Variants in VTA1 observed in about 807,000 individuals in gnomAD.
VTA1 encodes the protein vacuolar protein sorting-associated protein VTA1 homolog.
In VTA1, 24 loss-of-function variants were observed where a neutral mutation model predicts 36.9. The observed-to-expected ratio is 0.65, with a 90% CI of 0.47 to 0.91. The LOEUF (loss-of-function observed/expected upper bound fraction) is 0.91, where lower values mean the gene tolerates loss of function less well. VTA1 is among the 40% of genes least tolerant of loss of function. VTA1 has a pLI of 0.00. For synonymous variants in VTA1, 142 were observed against 130.2 expected, an observed-to-expected ratio of 1.09 and a Z score of -0.62; for missense variants, 393 against 377.2, an observed-to-expected ratio of 1.04 and a Z score of -0.35.
chr6:142,198,421 G>GTA lies in VTA1; in HGVS notation c.521-14_521-13dup. The GTA allele has an allele frequency of 1.2e-6, 2 of 1,612,832 alleles. No homozygotes were observed. The highest frequency in any genetic ancestry group is 1.1e-5 in the South Asian group (1 of 90,862). On this transcript the variant is annotated splice_polypyrimidine_tract_variant and intron_variant, in intron 5 of 7. Transcript: ENST00000367630. ...TTCAAAATACCTACTGTAACATTGT[G>GTA]TATATGTGATCTGATAGATATTGAA...
At chr6:142,178,736 A>G (rs550184358) in intron 4 of VTA1, among the ~76,000 whole-genome samples, 26 of 152,246 alleles carry the variant, frequency 1.7e-4, no homozygotes, top group Non-Finnish European at 3.2e-4. Flanking sequence ...TTAGACCTAA[A>G]TACAGCTATG....
Position 142,221,766 on chromosome 6 carries a change from TA to T in VTA1, c.*3126del, listed in dbSNP as rs1468876593. The T allele has an allele frequency of 6.7e-6, 1 of 148,218 alleles. No homozygotes were observed. The highest frequency in any genetic ancestry group is 1.5e-5 in the Non-Finnish European group (1 of 67,256). 9.2% of individuals were successfully genotyped at this position (148,218 alleles called of 1,614,324 possible). On this transcript the variant is annotated 3_prime_UTR_variant, in exon 8 of 8. Transcript: ENST00000367630. ...TCAGGAGTATATATTTATTAATATA[TA>T]AATATGTATTTATATATAAATCATA...
Position 142,224,504 on chromosome 6 carries a change from T to G in VTA1, c.*5861T>G, listed in dbSNP as rs2114698589. 1 of 152,342 alleles carries G rather than the reference T, an allele frequency of 6.6e-6. No homozygotes were observed. The highest frequency in any genetic ancestry group is 2.4e-5 in the African/African-American group (1 of 41,582). 9.4% of individuals were successfully genotyped at this position (152,342 alleles called of 1,614,324 possible). ...TTTATGTATCACGTAAGTTAAACTT[T>G]ATTTATTTACATGTGTCTCCCTCAT... On this transcript the variant is annotated 3_prime_UTR_variant, in exon 8 of 8. Coordinates refer to ENST00000367630, the MANE Select transcript of VTA1 (RefSeq NM_016485.5).
chr6:142,148,736 T>A (rs1226166832), intron 1 of VTA1, among the ~76,000 whole-genome samples: 1 of 152,106 alleles, frequency 6.6e-6, no homozygotes, highest in Non-Finnish European at 1.5e-5. Context: ...GGAGTGCAGA[T>A]GGGATTTCAG....
chr6:142,152,569 A>G (rs1159965219), intron 1 of VTA1, among the ~76,000 whole-genome samples: 1 of 152,150 alleles, frequency 6.6e-6, no homozygotes. Context: ...ATTTGATTTA[A>G]TTCATAACAA....
chr6:142,165,713 G>C (rs1161974246), intron 1 of VTA1, among the ~76,000 whole-genome samples: 1 of 152,134 alleles, frequency 6.6e-6, no homozygotes, highest in Non-Finnish European at 1.5e-5. Flanking sequence ...TTTAGGTTTA[G>C]CCTTATCTCA....
intron 2 of VTA1, among the ~76,000 whole-genome samples, 191 bp downstream of exon 2, chr6:142,166,513 A>C (rs1774917884): frequency 6.7e-6 from 1 of 148,250 alleles, no homozygotes; most frequent in African/African-American, 2.7e-5. Flanking sequence ...TATGAGTGTT[A>C]ATTAAAGTAT....
In VTA1 at chr6:142,147,323, A is replaced by C. The variant is rs1422637076; in HGVS notation, c.36A>C (p.Ala12=). 9 of 1,614,094 alleles carry C rather than the reference A, an allele frequency of 5.6e-6. No homozygotes were observed. Among genetic ancestry groups the C allele is most frequent in the Non-Finnish European group, 7.6e-6 (9 of 1,180,046 alleles). The change falls in exon 1 of 8, where the codon GCA becomes GCC. Residue 12 remains alanine, a synonymous_variant. Transcript: ENST00000367630. ...AALAPLPPLP[A]QFKSIQHHLR... ...TTGCACCGCTGCCCCCGCTCCCCGC[A>C]CAGTTCAAGAGCATACAGCATCATC...
chr6:142,166,174 A>G (rs1364713768), intron 1 of VTA1, 54 bp from the exon 2 acceptor site: 1 of 1,279,862 alleles, frequency 7.8e-7, no homozygotes, highest in East Asian at 2.4e-5. Context: ...AAACACTCAT[A>G]AACATGGATG....
intron 4 of VTA1, among the ~76,000 whole-genome samples, chr6:142,182,674 T>C (rs889678514): frequency 2.0e-5 from 3 of 152,174 alleles, no homozygotes; most frequent in African/African-American, 7.2e-5. Flanking sequence ...TGGCCATTTA[T>C]AGAGTTGGTG....
intron 7 of VTA1, among the ~76,000 whole-genome samples, chr6:142,214,005 T>G (rs1775959522): frequency 6.6e-6 from 1 of 152,214 alleles, no homozygotes. Flanking sequence ...CAGGGTTTTT[T>G]TTTTGTACCA....
At position 142,220,928 on chromosome 6, in the gene VTA1, T is replaced by C. The variant is rs1350229206; in HGVS notation, c.*2285T>C. On this transcript the variant is annotated 3_prime_UTR_variant, in exon 8 of 8. Coordinates refer to ENST00000367630, the MANE Select transcript of VTA1 (RefSeq NM_016485.5). ...ATTCTAAAAGGGAGGAAATAGATAA[T>C]AAAATATACATTACATTTAATCAGT... 1.3e-5 allele frequency: 2 copies of C among 152,044 alleles called. No individual in the cohort carries two copies. Among genetic ancestry groups the C allele is most frequent in the Admixed American group, 1.3e-4 (2 of 15,264 alleles). 9.4% of individuals were successfully genotyped at this position (152,044 alleles called of 1,614,324 possible).
At chr6:142,207,567 T>C (rs1175537337) in intron 7 of VTA1, among the ~76,000 whole-genome samples, 2 of 151,966 alleles carry the variant, frequency 1.3e-5, no homozygotes, top group East Asian at 1.9e-4. Context: ...TCCAAACATT[T>C]ACTAGAGCTG....
At chr6:142,159,551 G>T (rs1774752880) in intron 1 of VTA1, among the ~76,000 whole-genome samples, 2 of 148,346 alleles carry the variant, frequency 1.3e-5, no homozygotes, top group South Asian at 4.3e-4. Context: ...GTCTTGCTCT[G>T]TTGCCAGGCT....
At chr6:142,167,143 G>A (rs372579384) in intron 2 of VTA1, among the ~76,000 whole-genome samples, 5 of 152,130 alleles carry the variant, frequency 3.3e-5, no homozygotes, top group Non-Finnish European at 5.9e-5. Flanking sequence ...CAGGAATGTC[G>A]TAGGTGACTA....
intron 5 of VTA1, among the ~76,000 whole-genome samples, chr6:142,197,755 C>G (rs1235620353): frequency 1.3e-5 from 2 of 151,944 alleles, no homozygotes; most frequent in African/African-American, 4.8e-5. Flanking sequence ...CTTGAGTCTT[C>G]ATAAGTTTAA....
chr6:142,167,104 C>A (rs1215709231), intron 2 of VTA1, among the ~76,000 whole-genome samples: 1 of 152,110 alleles, frequency 6.6e-6, no homozygotes, highest in Non-Finnish European at 1.5e-5. Flanking sequence ...GCAAGATATT[C>A]TTATGGTTTA....
intron 4 of VTA1, among the ~76,000 whole-genome samples, chr6:142,182,645 A>G (rs573558342): frequency 6.6e-5 from 10 of 152,306 alleles, no homozygotes; most frequent in African/African-American, 1.7e-4. Flanking sequence ...CCTGACAACT[A>G]TAAGATTTTT....
intron 5 of VTA1, among the ~76,000 whole-genome samples, chr6:142,195,522 T>G (rs772978944): frequency 6.6e-6 from 1 of 151,430 alleles, no homozygotes; most frequent in Non-Finnish European, 1.5e-5. Context: ...CAACAAGTAC[T>G]TAGTACAGTT....
Sources: allele counts gnomAD v4.1 joint callset (sites outside exome capture counted in the v4.1 genomes callset), GRCh38; gene constraint gnomAD v4.1.1; transcripts MANE v1.5; gene names NCBI Gene and HGNC (gene_info 2026-07-23, HGNC 2026-07-21).